Variants in PCDHGB1 observed in about 807,000 individuals in gnomAD.
PCDHGB1 encodes the protein protocadherin gamma subfamily B, 1.
PCDHGB1 carries 34 observed loss-of-function variants against 56.6 expected under a neutral mutation model. That is an observed-to-expected ratio of 0.60 (90% CI 0.46 to 0.80). PCDHGB1 has a LOEUF of 0.80. PCDHGB1 is among the 30% of genes least tolerant of loss of function. The pLI is 0.00. For synonymous variants in PCDHGB1, 561 were observed against 505.9 expected, an observed-to-expected ratio of 1.11 and a Z score of -1.46; for missense variants, 1,278 against 1,204.6, an observed-to-expected ratio of 1.06 and a Z score of -0.90.
chr5:141,421,879 G>T (rs1458461652), intron 1 of PCDHGB1: 1 of 1,613,746 alleles, frequency 6.2e-7, no homozygotes, highest in Non-Finnish European at 8.5e-7. Context: ...AGCTTTAGAT[G>T]GAGGCGATCC....
At chr5:141,384,580 G>C in intron 1 of PCDHGB1, 1 of 1,614,196 alleles carries the variant, frequency 6.2e-7, no homozygotes, top group Non-Finnish European at 8.5e-7. Flanking sequence ...CAACCCGCCC[G>C]AGATCCTGTA....
At position 141,350,221 on chromosome 5, in the gene PCDHGB1, A is replaced by C; in HGVS notation, c.-40A>C. 1.3e-6 allele frequency: 2 copies of C among 1,494,264 alleles called. No homozygotes were observed. Among genetic ancestry groups the C allele is most frequent in the South Asian group, 2.9e-5 (2 of 68,900 alleles). The allele number at this position is 1,494,264 out of a possible 1,614,324, so 92.6% of individuals were successfully genotyped here. On this transcript the variant is annotated 5_prime_UTR_variant, in exon 1 of 4. Transcript: ENST00000523390. The stretch of plus-strand genomic sequence containing the variant: ...AGGGTGCTGCCATTTCTTTTTGAAA[A>C]ACATCCCAGAGGAAAGAAGCTCCGC...
In PCDHGB1 at chr5:141,360,958, G is replaced by A. The variant is rs1761818073; in HGVS notation, c.2409+8289G>A. 3.1e-6 allele frequency: 5 copies of A among 1,613,878 alleles called. No homozygotes were observed. In the African/African-American group the frequency reaches 5.3e-5, roughly 17 times the overall value. ...CACCGACCGGGATGAAGGCATAAAC[G>A]CAGAGATCACCTACTCCTTTCATAA... On this transcript the variant is annotated intron_variant, in intron 1 of 3. Transcript: ENST00000523390.
chr5:141,444,472 C>A (rs559334960), intron 1 of PCDHGB1, among the ~76,000 whole-genome samples: 2 of 151,850 alleles, frequency 1.3e-5, no homozygotes, highest in Non-Finnish European at 2.9e-5. Context: ...CGCCCGGTCG[C>A]GTACTGGATT....
intron 1 of PCDHGB1, among the ~76,000 whole-genome samples, chr5:141,386,562 A>G (rs979902403): frequency 3.0e-4 from 45 of 152,130 alleles, no homozygotes; most frequent in Non-Finnish European, 4.7e-4. Context: ...TATTTTGCAC[A>G]TGATAGACTC....
chr5:141,413,559 T>A, intron 1 of PCDHGB1: 1 of 1,613,862 alleles, frequency 6.2e-7, no homozygotes. Flanking sequence ...TAGAAGTAAC[T>A]GATATCAATG....
chr5:141,398,584 A>T lies in PCDHGB1; in HGVS notation c.2409+45915A>T, dbSNP rs201021035. On this transcript the variant is annotated intron_variant, in intron 1 of 3. Transcript: ENST00000523390. Reference sequence around the variant, plus strand: ...GTCTGCACAGCCTGGCACAAGATTTATACTAGAAGTAGCAGAAGATGCAGA... The same window carrying T: ...GTCTGCACAGCCTGGCACAAGATTTTTACTAGAAGTAGCAGAAGATGCAGA... 1.9e-6 allele frequency: 3 copies of T among 1,614,066 alleles called. No homozygotes were observed. In the South Asian group the frequency reaches 3.3e-5, roughly 18 times the overall value.
chr5:141,467,990 A>G (rs1593103654), intron 1 of PCDHGB1, among the ~76,000 whole-genome samples: 2 of 152,052 alleles, frequency 1.3e-5, no homozygotes, highest in South Asian at 2.1e-4. Context: ...GAAAACCACA[A>G]TTCTTTCTTC....
intron 1 of PCDHGB1, chr5:141,400,082 C>A: frequency 1.2e-6 from 2 of 1,614,016 alleles, no homozygotes; most frequent in Non-Finnish European, 1.7e-6. Flanking sequence ...CCACTCTCCG[C>A]CACCGCCACG....
chr5:141,377,884 G>C (rs975063251), intron 1 of PCDHGB1: 1 of 152,112 alleles, frequency 6.6e-6, no homozygotes, highest in Non-Finnish European at 1.5e-5. Flanking sequence ...ATCAGAGATA[G>C]GATCCCCCTC....
rs2154586748 is a variant in PCDHGB1 at position 141,491,733 on chromosome 5, T to A, written c.2410-3074T>A. The A allele has an allele frequency of 6.2e-7, 1 of 1,602,698 alleles. No individual in the cohort carries two copies. Among genetic ancestry groups the A allele is most frequent in the Non-Finnish European group, 8.5e-7 (1 of 1,175,258 alleles). On this transcript the variant is annotated intron_variant, in intron 1 of 3. Transcript: ENST00000523390. The surrounding 1 kb of genome is among the most constrained non-coding windows in gnomAD (Gnocchi z 6.9). ...GCTCGGCGCCGCCCCGGGCGACCCC[T>A]GGGGGCGGCACTGGAGAAGCCGCCC...
intron 1 of PCDHGB1, chr5:141,376,676 G>GTTTTTTTTTTTTTTTTTTTTTTTT (rs67197835): frequency 1.1e-5 from 3 of 275,812 alleles, no homozygotes; most frequent in African/African-American, 3.7e-5. Flanking sequence ...TGAGGGTATC[G>GTTTTTTTTTTTTTTTTTTTTTTTT]TTTTTTTTTT....
At chr5:141,388,405 C>A in intron 1 of PCDHGB1, 1 of 1,613,892 alleles carries the variant, frequency 6.2e-7, no homozygotes, top group Non-Finnish European at 8.5e-7. Context: ...CAACTCAGTC[C>A]CAGTGATCAT....
chr5:141,485,116 G>T lies in PCDHGB1; in HGVS notation c.2410-9691G>T, dbSNP rs904145668. ...TGTCTCCAGCTGCTGTGGCTGTTTGGGGCGGGTCGGCTTCATCCGCGTCTC... is the reference window on the plus strand; with the variant it reads ...TGTCTCCAGCTGCTGTGGCTGTTTGTGGCGGGTCGGCTTCATCCGCGTCTC... On this transcript the variant is annotated intron_variant, in intron 1 of 3. Coordinates refer to ENST00000523390, the MANE Select transcript of PCDHGB1 (RefSeq NM_018922.3). This position sits in a 1 kb window ranked among gnomAD's most constrained non-coding sequence, Gnocchi z 5.7. 3.0e-6 allele frequency: 4 copies of T among 1,312,058 alleles called. No homozygotes were observed. The African/African-American group carries it at 5.8e-5, about 19-fold the overall frequency. 81.3% of individuals were successfully genotyped at this position (1,312,058 alleles called of 1,614,324 possible).
At chr5:141,399,588 C>A (rs2093842272) in intron 1 of PCDHGB1, 1 of 1,613,894 alleles carries the variant, frequency 6.2e-7, no homozygotes, top group South Asian at 1.1e-5. Context: ...CCTACTCTAT[C>A]ATGGCCAGCG....
At position 141,354,261 on chromosome 5, in the gene PCDHGB1, G is replaced by T. The variant is rs555341930; in HGVS notation, c.2409+1592G>T. Reference sequence around the variant, plus strand: ...CAGAGTTATTTACCCATTGTTTTAGGCTTTGCATTTGAACTGGTCATTCAT... The same window carrying T: ...CAGAGTTATTTACCCATTGTTTTAGTCTTTGCATTTGAACTGGTCATTCAT... On this transcript the variant is annotated intron_variant, in intron 1 of 3. Transcript: ENST00000523390. Among the ~76,000 whole-genome samples, 5 of 151,924 alleles carry T rather than the reference G, an allele frequency of 3.3e-5. No homozygotes were observed. In the East Asian group the frequency reaches 9.7e-4, roughly 29 times the overall value.
At position 141,409,906 on chromosome 5, in the gene PCDHGB1, T is replaced by C. The variant is rs779572711; in HGVS notation, c.2409+57237T>C. Reference sequence around the variant, plus strand: ...CGCGGGTGCTGTACCCAGCTCTGGGTCCTGACGGCTCCGCGTTCTTCGATA... The same window carrying C: ...CGCGGGTGCTGTACCCAGCTCTGGGCCCTGACGGCTCCGCGTTCTTCGATA... On this transcript the variant is annotated intron_variant, in intron 1 of 3. Transcript: ENST00000523390. 6 of 1,613,214 alleles carry C rather than the reference T, an allele frequency of 3.7e-6. No homozygotes were observed. The South Asian group carries it at 6.6e-5, about 18-fold the overall frequency.
rs986564447 is a variant in PCDHGB1, at chr5:141,352,435, C to G, written c.2175C>G (p.Thr725=). 6.2e-7 allele frequency: 1 copy of G among 1,614,044 alleles called. No individual in the cohort carries two copies. Among genetic ancestry groups the G allele is most frequent in the South Asian group, 1.1e-5 (1 of 91,090 alleles). ...TCGACACTGAGGGCTGCTTTCAAAC[C>G]GGTCTCTGCTCCAAGTCTGGGCCCG... The part of the protein sequence containing the change: ...SSLDTEGCFQ[T]GLCSKSGPGV... The change falls in exon 1 of 4, where the codon ACC becomes ACG. Residue 725 remains threonine (T), a synonymous_variant. Coordinates refer to ENST00000523390, the MANE Select transcript of PCDHGB1 (RefSeq NM_018922.3).
In PCDHGB1 at chr5:141,352,205, C is replaced by T. The variant is rs745707579; in HGVS notation, c.1945C>T (p.Pro649Ser). The change falls in exon 1 of 4, where the codon CCA (proline) becomes TCA (serine). Residue 649 changes from proline (P) to serine (S), a missense_variant. Pro to Ser is a moderately conservative substitution (Grantham distance 74, BLOSUM62 -1). Coordinates refer to ENST00000523390, the MANE Select transcript of PCDHGB1 (RefSeq NM_018922.3). ...CGCTGTGCGTGATGGAGGACAGCCG[C>T]CACTCTCCGCCACCGCCACGCTGCA... Reference protein sequence around the residue: ...LVAVRDGGQPPLSATATLHLI... With the variant: ...LVAVRDGGQPSLSATATLHLI... The T allele has an allele frequency of 1.9e-6, 3 of 1,614,044 alleles. No homozygotes were observed. The South Asian group carries it at 3.3e-5, about 18-fold the overall frequency.
Sources: gnomAD v4.1 joint callset for allele counts (sites outside exome capture counted in the v4.1 genomes callset) on GRCh38, gnomAD v4.1.1 for gene constraint, Gnocchi (gnomAD v3.1) non-coding constraint, MANE v1.5 for transcripts, NCBI Gene and HGNC (gene_info 2026-07-23, HGNC 2026-07-21) for gene names.